The following KDM4C variants were observed in gnomAD, a reference collection of about 807,000 sequenced individuals.
KDM4C encodes lysine-specific demethylase 4C.
Under a neutral mutation model 129.3 loss-of-function variants are expected in KDM4C, and 81 were observed. The ratio of observed to expected loss-of-function variants is 0.63; its 90% CI spans 0.52 to 0.75. KDM4C has a LOEUF of 0.75. Among genes scored for constraint, KDM4C ranks in the 30% least tolerant of loss-of-function variants. The pLI is 0.00. For missense variants in KDM4C, 1,457 were observed against 1,304.0 expected, an observed-to-expected ratio of 1.12 and a Z score of -1.81; for synonymous variants, 573 against 456.1, an observed-to-expected ratio of 1.26 and a Z score of -3.26.
Position 7,046,893 on chromosome 9 carries a change from C to G in KDM4C, c.2291C>G (p.Ala764Gly). ...TGTCTCTGCAATTTGAGAGGAGGTG[C>G]TCTTAAGCAAACGAAGAACAATAAG... is the stretch of plus-strand genomic sequence containing the variant. ...ECCLCNLRGG[A>G]LKQTKNNKWA... The change falls in exon 16 of 22, where the codon GCT becomes GGT. Residue 764 changes from alanine to glycine, a missense_variant. Coordinates refer to ENST00000381309, the MANE Select transcript of KDM4C (RefSeq NM_015061.6). The G allele has an allele frequency of 6.2e-7, 1 of 1,606,828 alleles. No individual in the cohort carries two copies. The highest frequency in any genetic ancestry group is 8.5e-7 in the Non-Finnish European group (1 of 1,173,878).
intron 19 of KDM4C, among the ~76,000 whole-genome samples, chr9:7,149,472 C>T (rs894184472): frequency 6.6e-6 from 1 of 152,250 alleles, no homozygotes; most frequent in African/African-American, 2.4e-5. Flanking sequence ...TGGGCTCCCG[C>T]CCTGCCAGCT....
At chr9:6,974,071 C>A (rs760732276) in intron 8 of KDM4C, among the ~76,000 whole-genome samples, 7 of 152,164 alleles carry the variant, frequency 4.6e-5, no homozygotes, top group African/African-American at 1.4e-4. Context: ...ATCACTTAAA[C>A]CCCCTTTTCC....
chr9:7,021,427 G>T (rs764866606), intron 15 of KDM4C, among the ~76,000 whole-genome samples: 2 of 152,192 alleles, frequency 1.3e-5, no homozygotes, highest in Non-Finnish European at 2.9e-5. Flanking sequence ...TTACAGGCGT[G>T]AGCCACTGGG....
chr9:6,896,644 T>C (rs10465096), intron 8 of KDM4C, among the ~76,000 whole-genome samples: 70,363 of 151,886 alleles, frequency 0.46, 16,644 homozygotes, highest in Middle Eastern at 0.62. Flanking sequence ...TGATCATAAG[T>C]CAACAGGCTT....
At chr9:6,877,346 G>A (rs1477296424) in intron 5 of KDM4C, among the ~76,000 whole-genome samples, 2 of 152,212 alleles carry the variant, frequency 1.3e-5, no homozygotes, top group Middle Eastern at 3.4e-3. Context: ...GACTACAGGC[G>A]CCCGCCACCA....
intron 19 of KDM4C, among the ~76,000 whole-genome samples, chr9:7,149,651 A>AT (rs1196194227): frequency 6.6e-6 from 1 of 152,240 alleles, no homozygotes; most frequent in African/African-American, 2.4e-5. Flanking sequence ...TTGAAACGTA[A>AT]TGCATAAAGC....
chr9:6,742,147 A>AT (rs1817721638), intron 1 of KDM4C, among the ~76,000 whole-genome samples: 1 of 149,876 alleles, frequency 6.7e-6, no homozygotes. Context: ...TAATTTTTGT[A>AT]TTTTTAGTAG....
intron 14 of KDM4C, among the ~76,000 whole-genome samples, chr9:7,014,819 A>G (rs1823352682): frequency 6.6e-6 from 1 of 151,894 alleles, no homozygotes; most frequent in African/African-American, 2.4e-5. Context: ...TCATTTATTA[A>G]TTAATTAGAG....
chr9:6,840,464 T>C (rs1292053557), intron 4 of KDM4C, among the ~76,000 whole-genome samples: 1 of 151,980 alleles, frequency 6.6e-6, no homozygotes. Context: ...TGGTGGGATC[T>C]TGGCTCACTG....
chr9:6,958,816 G>A (rs954322375), intron 8 of KDM4C, among the ~76,000 whole-genome samples: 4 of 151,338 alleles, frequency 2.6e-5, no homozygotes, highest in Non-Finnish European at 5.9e-5. Flanking sequence ...CCACAGGTGC[G>A]CACCACCACA....
chr9:7,025,233 T>G (rs1037452644), intron 15 of KDM4C, among the ~76,000 whole-genome samples: 2 of 152,214 alleles, frequency 1.3e-5, no homozygotes, highest in Admixed American at 1.3e-4. Context: ...ATCTGCTTAT[T>G]TTCAGCCTAT....
intron 8 of KDM4C, among the ~76,000 whole-genome samples, chr9:6,940,215 C>T (rs761167087): frequency 1.3e-5 from 2 of 152,146 alleles, no homozygotes; most frequent in South Asian, 4.1e-4. Flanking sequence ...CTCAGCCTCC[C>T]TGGTGGCTGG....
chr9:6,978,724 C>CA (rs1490854719), intron 8 of KDM4C: 1 of 152,282 alleles, frequency 6.6e-6, no homozygotes, highest in East Asian at 1.9e-4. Flanking sequence ...GACAGTCCTG[C>CA]ACAGCTCTCT....
chr9:7,034,559 T>A (rs1375548595), intron 15 of KDM4C, among the ~76,000 whole-genome samples: 1 of 152,214 alleles, frequency 6.6e-6, no homozygotes, highest in Non-Finnish European at 1.5e-5. Context: ...ATGCCACATT[T>A]TCTTTATTCA....
chr9:6,989,038 C>T (rs998249715), intron 11 of KDM4C, among the ~76,000 whole-genome samples: 1 of 152,178 alleles, frequency 6.6e-6, no homozygotes, highest in Non-Finnish European at 1.5e-5. Flanking sequence ...TGTAATTTTT[C>T]CTGCTATAGC....
intron 4 of KDM4C, among the ~76,000 whole-genome samples, chr9:6,831,313 A>G (rs968507238): frequency 6.6e-6 from 1 of 152,126 alleles, no homozygotes; most frequent in African/African-American, 2.4e-5. Flanking sequence ...TGATGTCATT[A>G]TAGACCCATA....
intron 4 of KDM4C, among the ~76,000 whole-genome samples, chr9:6,822,263 C>T (rs1458165461): frequency 6.6e-6 from 1 of 152,164 alleles, no homozygotes; most frequent in Non-Finnish European, 1.5e-5. Flanking sequence ...ATTATATGGC[C>T]TTCAAAGCCT....
intron 9 of KDM4C, chr9:6,982,522 A>G (rs540277557): frequency 6.6e-4 from 100 of 152,346 alleles, no homozygotes; most frequent in African/African-American, 2.3e-3. Flanking sequence ...GTGTGTATAT[A>G]GTGTCACTAT....
chr9:6,889,211 T>TTGTGTGTGTGTGTGTGTG lies in KDM4C; in HGVS notation c.783+1171_783+1188dup, dbSNP rs34443147. On this transcript the variant is annotated intron_variant, in intron 7 of 21. Coordinates refer to ENST00000381309, the MANE Select transcript of KDM4C (RefSeq NM_015061.6). ...TTAGGTTCTTACTGTGGCCTTCTTTTTGTGTGTGTGTGTGTGTGTGTGTGT... is the reference window on the plus strand; with the variant it reads ...TTAGGTTCTTACTGTGGCCTTCTTTTTGTGTGTGTGTGTGTGTGTGTGTGTGTGTGTGTGTGTGTGTGT... 4.1e-3 allele frequency among the ~76,000 whole-genome samples: 255 copies of TTGTGTGTGTGTGTGTGTG among 61,610 alleles called. 13 individuals are homozygous for TTGTGTGTGTGTGTGTGTG. The highest frequency in any genetic ancestry group is 0.016 in the East Asian group (27 of 1,692). The allele number at this position is 61,610 out of a possible 152,430, so 40.4% of individuals were successfully genotyped here.
Sources: allele counts gnomAD v4.1 joint callset (sites outside exome capture counted in the v4.1 genomes callset), GRCh38; gene constraint gnomAD v4.1.1; transcripts MANE v1.5; gene names NCBI Gene and HGNC (gene_info 2026-07-23, HGNC 2026-07-21).